WWOX: variants seen among roughly 807,000 people sequenced by gnomAD.
WWOX encodes WW domain containing oxidoreductase.
WWOX carries 69 observed loss-of-function variants against 46.2 expected under a neutral mutation model. That is an observed-to-expected ratio of 1.49 (90% CI 1.23 to 1.82). The LOEUF is 1.82. Among genes scored for constraint, WWOX ranks in the 40% most tolerant of loss-of-function variants. WWOX has a pLI of 0.00. For missense variants in WWOX, 919 were observed against 542.6 expected (o/e 1.69, Z -6.89); for synonymous variants, 359 against 202.6 (o/e 1.77, Z -6.56).
chr16:79,097,173 G>A (rs988657930), intron 8 of WWOX, among the ~76,000 whole-genome samples: 2 of 152,060 alleles, frequency 1.3e-5, no homozygotes, highest in Non-Finnish European at 2.9e-5. Context: ...TGGGTCAGTG[G>A]ATTCACAGAG....
At chr16:78,727,632 T>C (rs1328926728) in intron 8 of WWOX, among the ~76,000 whole-genome samples, 1 of 152,166 alleles carries the variant, frequency 6.6e-6, no homozygotes, top group Non-Finnish European at 1.5e-5. Flanking sequence ...CTTTGAACTC[T>C]CTCATACCTT....
intron 8 of WWOX, among the ~76,000 whole-genome samples, chr16:78,927,674 A>G (rs1450253118): frequency 6.6e-6 from 1 of 152,336 alleles, no homozygotes; most frequent in South Asian, 2.1e-4. Context: ...AGGCATAATT[A>G]TCAGACTTAA....
intron 4 of WWOX, among the ~76,000 whole-genome samples, chr16:78,117,017 G>T (rs757306516): frequency 6.6e-6 from 1 of 152,178 alleles, no homozygotes; most frequent in Admixed American, 6.5e-5. Context: ...ATATTAAAAG[G>T]GTGATATCTA....
chr16:78,405,773 A>G (rs2151946394), intron 6 of WWOX, among the ~76,000 whole-genome samples: 1 of 152,242 alleles, frequency 6.6e-6, no homozygotes, highest in East Asian at 1.9e-4. Context: ...TGTGGCTGTC[A>G]AACAAGGTGG....
intron 5 of WWOX, among the ~76,000 whole-genome samples, chr16:78,336,160 C>T (rs1334015767): frequency 3.3e-5 from 5 of 151,836 alleles, no homozygotes; most frequent in Admixed American, 3.3e-4. Flanking sequence ...GTTGATGCTA[C>T]TTGTCTTGGC....
At chr16:78,594,110 C>G (rs80322440) in intron 8 of WWOX, among the ~76,000 whole-genome samples, 2,523 of 152,180 alleles carry the variant, frequency 0.017, 52 homozygotes, top group East Asian at 0.08. Flanking sequence ...CACTTCTCAA[C>G]TCCTTCTCAA....
chr16:78,767,963 T>C (rs1299743545), intron 8 of WWOX, among the ~76,000 whole-genome samples: 1 of 152,162 alleles, frequency 6.6e-6, no homozygotes, highest in Non-Finnish European at 1.5e-5. Context: ...ACTGTGCTAA[T>C]GTCTTCTAGT....
intron 8 of WWOX, among the ~76,000 whole-genome samples, chr16:78,924,832 T>C (rs116426716): frequency 1.3e-5 from 2 of 152,196 alleles, no homozygotes; most frequent in Non-Finnish European, 2.9e-5. Flanking sequence ...TGTCAACATA[T>C]GTGTGAAAAT....
At chr16:78,520,643 G>C (rs756880187) in intron 8 of WWOX, among the ~76,000 whole-genome samples, 2 of 152,040 alleles carry the variant, frequency 1.3e-5, no homozygotes, top group African/African-American at 2.4e-5. Flanking sequence ...GGGCAGGGCA[G>C]GACGGCCCTG....
chr16:78,501,914 C>A (rs1464348176), intron 8 of WWOX, among the ~76,000 whole-genome samples: 1 of 152,082 alleles, frequency 6.6e-6, no homozygotes, highest in African/African-American at 2.4e-5. Context: ...AAGGTGAAAA[C>A]CACTGTGGTC....
intron 8 of WWOX, among the ~76,000 whole-genome samples, chr16:78,503,263 G>T (rs376127972): frequency 6.6e-6 from 1 of 152,032 alleles, no homozygotes; most frequent in Non-Finnish European, 1.5e-5. Flanking sequence ...GTAAAATCTG[G>T]AATCTGCTCT....
rs918001568 is a variant in WWOX at position 78,543,782 on chromosome 16, T to G, written c.1056+111030T>G. ...TCCCTTGAATATACTGACAATACAC[T>G]GATGAGAATTGAATGCCCCATAAAT... On this transcript the variant is annotated intron_variant, in intron 8 of 8. Transcript: ENST00000566780. 2.6e-5 allele frequency among the ~76,000 whole-genome samples: 4 copies of G among 152,144 alleles called. No homozygotes were observed. The East Asian group carries it at 7.8e-4, about 30-fold the overall frequency.
chr16:78,788,973 T>A (rs2050525006), intron 8 of WWOX, among the ~76,000 whole-genome samples: 1 of 152,234 alleles, frequency 6.6e-6, no homozygotes, highest in Non-Finnish European at 1.5e-5. Flanking sequence ...TAGACCCTTA[T>A]CATATAAATG....
chr16:78,417,118 G>A (rs1363889523), intron 6 of WWOX, among the ~76,000 whole-genome samples: 2 of 151,636 alleles, frequency 1.3e-5, no homozygotes, highest in African/African-American at 4.9e-5. Flanking sequence ...AGTTGCCCAG[G>A]CTGGAGATCA....
intron 8 of WWOX, among the ~76,000 whole-genome samples, chr16:79,079,536 G>C (rs1157166075): frequency 6.6e-6 from 1 of 152,086 alleles, no homozygotes; most frequent in African/African-American, 2.4e-5. Context: ...GTTTCCCATT[G>C]TTTGCACTTC....
chr16:78,995,286 A>G (rs2046967668), intron 8 of WWOX, among the ~76,000 whole-genome samples: 1 of 152,094 alleles, frequency 6.6e-6, no homozygotes, highest in Non-Finnish European at 1.5e-5. Context: ...AGGCATCTGG[A>G]TGCATCGCGG....
intron 6 of WWOX, among the ~76,000 whole-genome samples, chr16:78,421,750 G>C (rs903570306): frequency 6.6e-6 from 1 of 152,126 alleles, no homozygotes; most frequent in African/African-American, 2.4e-5. Flanking sequence ...GCTAAAACTT[G>C]ATCTGCTTTT....
chr16:78,814,624 G>A (rs2051283506), intron 8 of WWOX, among the ~76,000 whole-genome samples: 2 of 152,168 alleles, frequency 1.3e-5, no homozygotes, highest in Admixed American at 6.5e-5. Flanking sequence ...GATTACATTG[G>A]TTCTTTTCTA....
intron 8 of WWOX, among the ~76,000 whole-genome samples, chr16:78,675,987 G>C (rs894901004): frequency 6.6e-6 from 1 of 152,076 alleles, no homozygotes; most frequent in African/African-American, 2.4e-5. Context: ...CAAGATTTTA[G>C]TGGAAAGGGA....
Sources: gnomAD v4.1 joint callset for allele counts (sites outside exome capture counted in the v4.1 genomes callset) on GRCh38, gnomAD v4.1.1 for gene constraint, MANE v1.5 for transcripts, NCBI Gene and HGNC (gene_info 2026-07-23, HGNC 2026-07-21) for gene names.